The following NPAS3 variants were observed in gnomAD, a reference collection of about 807,000 sequenced individuals.
NPAS3 encodes neuronal PAS domain protein 3.
NPAS3 carries 14 observed loss-of-function variants against 73.1 expected under a neutral mutation model. The ratio of observed to expected loss-of-function variants is 0.19; its 90% CI spans 0.13 to 0.30. NPAS3 has a LOEUF of 0.30. Ranked by LOEUF, NPAS3 falls within the 10% of genes least tolerant of loss-of-function variation. NPAS3 has a pLI of 1.00. For missense variants in NPAS3, 1,096 were observed against 1,250.0 expected (o/e 0.88, Z 1.86); for synonymous variants, 620 against 541.5 (o/e 1.14, Z -2.01).
chr14:33,055,794 C>CGGTGGTCGCCGTATCATTA, intron 1 of NPAS3, 111 bp from the exon 2 acceptor site: 1 of 654,208 alleles, frequency 1.5e-6, no homozygotes, highest in Non-Finnish European at 2.8e-6. Flanking sequence ...GTGTAGAGCT[C>CGGTGGTCGCCGTATCATTA]AAAAGCGTAA....
At chr14:33,668,966 C>T (rs1462003546) in intron 5 of NPAS3, among the ~76,000 whole-genome samples, 1 of 152,188 alleles carries the variant, frequency 6.6e-6, no homozygotes, top group Non-Finnish European at 1.5e-5. Flanking sequence ...CGTATTGATA[C>T]TGAAGTCCGG....
intron 2 of NPAS3, among the ~76,000 whole-genome samples, chr14:33,188,643 T>C (rs2046064947): frequency 1.3e-5 from 2 of 152,244 alleles, no homozygotes; most frequent in Non-Finnish European, 2.9e-5. Flanking sequence ...CTATTGACTC[T>C]TGAATCACCC....
chr14:32,997,922 T>C (rs2038650346), intron 1 of NPAS3, among the ~76,000 whole-genome samples: 1 of 152,158 alleles, frequency 6.6e-6, no homozygotes, highest in Admixed American at 6.5e-5. Context: ...GAAAGCAAAC[T>C]AGTTCAAAAT....
chr14:33,788,322 T>G (rs1056105087), intron 9 of NPAS3, among the ~76,000 whole-genome samples: 1 of 152,228 alleles, frequency 6.6e-6, no homozygotes, highest in Non-Finnish European at 1.5e-5. Flanking sequence ...TGCGTCCTCC[T>G]ATCGCCATGA....
At chr14:33,235,805 CTTTTTTTTTT>C (rs35968798) in intron 3 of NPAS3, among the ~76,000 whole-genome samples, 4 of 80,630 alleles carry the variant, frequency 5.0e-5, no homozygotes, top group Non-Finnish European at 6.5e-5. Flanking sequence ...TGATACAATT[CTTTTTTTTTT>C]TTTTTTTTTT....
chr14:33,540,884 A>C (rs754991504), intron 4 of NPAS3, among the ~76,000 whole-genome samples: 1 of 152,148 alleles, frequency 6.6e-6, no homozygotes, highest in Non-Finnish European at 1.5e-5. Flanking sequence ...CAGGCGTGGA[A>C]GTTGCATTTT....
At chr14:33,197,267 G>GTGTGTGTGTGTGTGTT (rs1555353807) in intron 2 of NPAS3, among the ~76,000 whole-genome samples, 4,055 of 148,606 alleles carry the variant, frequency 0.027, 86 homozygotes, top group South Asian at 0.077. Context: ...GTGTGTGTGT[G>GTGTGTGTGTGTGTGTT]TTCTTTTTCA....
intron 1 of NPAS3, among the ~76,000 whole-genome samples, chr14:32,983,191 A>T (rs541647993): frequency 2.0e-5 from 3 of 152,292 alleles, no homozygotes; most frequent in Non-Finnish European, 2.9e-5. Context: ...AGACTATTTT[A>T]AAAAAATCTT....
intron 1 of NPAS3, among the ~76,000 whole-genome samples, chr14:32,940,666 T>A (rs918824037): frequency 6.6e-6 from 1 of 152,238 alleles, no homozygotes. Context: ...ATGTGCTTAG[T>A]TGCAAGATTT....
At chr14:33,247,657 A>G (rs2048439432) in intron 3 of NPAS3, among the ~76,000 whole-genome samples, 1 of 152,248 alleles carries the variant, frequency 6.6e-6, no homozygotes, top group African/African-American at 2.4e-5. Flanking sequence ...CAATTTCCAC[A>G]TAAAAAGTCA....
rs534511073 is a variant in NPAS3, at chr14:33,773,357, C to T, written c.853-980C>T. 1.1e-4 allele frequency among the ~76,000 whole-genome samples: 17 copies of T among 152,286 alleles called. No homozygotes were observed. In the South Asian group the frequency reaches 3.3e-3, roughly 30 times the overall value. ...TATGACTTGGCTTTGGAGGATTCCC[C>T]ACACTATAGCAGAGTCGTGGGAACA... On this transcript the variant is annotated intron_variant, in intron 7 of 11. Transcript: ENST00000356141.
chr14:33,302,782 G>C (rs1257676938), intron 3 of NPAS3, among the ~76,000 whole-genome samples: 1 of 152,140 alleles, frequency 6.6e-6, no homozygotes, highest in African/African-American at 2.4e-5. Context: ...TCTGTGGTTA[G>C]AAGGAAATAT....
chr14:33,080,496 A>G (rs1430757699), intron 2 of NPAS3, among the ~76,000 whole-genome samples: 2 of 152,228 alleles, frequency 1.3e-5, no homozygotes, highest in Middle Eastern at 3.2e-3. Context: ...GTAAGTGTGT[A>G]GTTAAGTGCC....
chr14:33,739,156 G>T (rs1384011125), intron 7 of NPAS3, among the ~76,000 whole-genome samples: 1 of 152,158 alleles, frequency 6.6e-6, no homozygotes, highest in Non-Finnish European at 1.5e-5. Context: ...ATAATGCTCG[G>T]AGTGTCTTCA....
chr14:33,691,179 A>G (rs949462447), intron 6 of NPAS3, among the ~76,000 whole-genome samples: 2 of 152,210 alleles, frequency 1.3e-5, no homozygotes, highest in Non-Finnish European at 2.9e-5. Flanking sequence ...CAGCAGCTAT[A>G]TTTTATGACC....
At chr14:33,089,666 C>T (rs374600769) in intron 2 of NPAS3, among the ~76,000 whole-genome samples, 18 of 152,084 alleles carry the variant, frequency 1.2e-4, no homozygotes, top group African/African-American at 2.7e-4. Context: ...AGATACTCCT[C>T]GAGAAGAGCA....
At chr14:33,402,690 C>A (rs1487132694) in intron 4 of NPAS3, among the ~76,000 whole-genome samples, 4 of 152,182 alleles carry the variant, frequency 2.6e-5, no homozygotes, top group Non-Finnish European at 5.9e-5. Context: ...CAGTTTTTCA[C>A]AACTCTGTCA....
At chr14:33,563,327 TAGAGAC>T (rs2055744600) in intron 5 of NPAS3, among the ~76,000 whole-genome samples, 1 of 150,980 alleles carries the variant, frequency 6.6e-6, no homozygotes, top group South Asian at 2.1e-4. Context: ...AGCATGGGGA[TAGAGAC>T]AGCCAGAGCG....
intron 1 of NPAS3, among the ~76,000 whole-genome samples, chr14:32,975,466 G>A (rs1175433533): frequency 6.6e-6 from 1 of 152,174 alleles, no homozygotes; most frequent in East Asian, 1.9e-4. Context: ...AGCCATCACA[G>A]ATGTGAACTA....
Sources: allele counts gnomAD v4.1 joint callset (sites outside exome capture counted in the v4.1 genomes callset), GRCh38; gene constraint gnomAD v4.1.1; transcripts MANE v1.5; gene names NCBI Gene and HGNC (gene_info 2026-07-23, HGNC 2026-07-21).